The following CACNB4 variants were observed in gnomAD, a reference collection of about 807,000 sequenced individuals.
CACNB4 encodes calcium voltage-gated channel auxiliary subunit beta 4.
CACNB4 carries 32 observed loss-of-function variants against 71.2 expected under a neutral mutation model. The ratio of observed to expected loss-of-function variants is 0.45; its 90% CI spans 0.34 to 0.60. The LOEUF (loss-of-function observed/expected upper bound fraction) is 0.60. Among genes scored for constraint, CACNB4 ranks in the 20% least tolerant of loss-of-function variants. The pLI is 0.01. For missense variants in CACNB4, 464 were observed against 647.9 expected (o/e 0.72, Z 3.08); for synonymous variants, 231 against 236.9 (o/e 0.97, Z 0.23).
chr2:152,018,191 C>A (rs1238846239), intron 2 of CACNB4, among the ~76,000 whole-genome samples: 1 of 151,700 alleles, frequency 6.6e-6, no homozygotes, highest in African/African-American at 2.4e-5. Flanking sequence ...AGATTAGAAG[C>A]GAAAATAAAC....
At chr2:152,024,887 C>T (rs751197286) in intron 2 of CACNB4, among the ~76,000 whole-genome samples, 4 of 152,178 alleles carry the variant, frequency 2.6e-5, no homozygotes, top group Non-Finnish European at 5.9e-5. Flanking sequence ...GACACTCCAT[C>T]TCTACTAAAA....
chr2:152,052,118 C>T (rs1685466602), intron 2 of CACNB4, among the ~76,000 whole-genome samples: 1 of 152,168 alleles, frequency 6.6e-6, no homozygotes, highest in African/African-American at 2.4e-5. Context: ...TTGCATTTAA[C>T]ACATCCAGCC....
chr2:152,049,312 A>G (rs1454178379), intron 2 of CACNB4, among the ~76,000 whole-genome samples: 1 of 151,938 alleles, frequency 6.6e-6, no homozygotes, highest in African/African-American at 2.4e-5. Flanking sequence ...TTACAGGTGC[A>G]TGCCACCAGT....
intron 2 of CACNB4, among the ~76,000 whole-genome samples, chr2:151,893,962 T>C (rs1043465815): frequency 1.3e-5 from 2 of 152,112 alleles, no homozygotes; most frequent in Non-Finnish European, 2.9e-5. Flanking sequence ...AAAAGAAAAC[T>C]ACAGGCCAAT....
At chr2:151,978,071 T>A (rs1167717762) in intron 2 of CACNB4, among the ~76,000 whole-genome samples, 1 of 151,992 alleles carries the variant, frequency 6.6e-6, no homozygotes, top group Non-Finnish European at 1.5e-5. Flanking sequence ...CTGGAGCCCA[T>A]CAGATAGGTG....
intron 2 of CACNB4, among the ~76,000 whole-genome samples, chr2:152,034,238 A>G (rs1481055310): frequency 1.3e-5 from 2 of 152,218 alleles, no homozygotes; most frequent in African/African-American, 4.8e-5. Flanking sequence ...TAAAATCCCA[A>G]CAGAAGTCAC....
intron 3 of CACNB4, among the ~76,000 whole-genome samples, 190 bp from the exon 4 acceptor site, chr2:151,881,112 C>T (rs1484150596): frequency 6.6e-6 from 1 of 152,096 alleles, no homozygotes; most frequent in Non-Finnish European, 1.5e-5. Flanking sequence ...CCTATCAGCC[C>T]AACCATTTTT....
At chr2:152,055,179 T>G (rs1685660575) in intron 2 of CACNB4, among the ~76,000 whole-genome samples, 1 of 152,106 alleles carries the variant, frequency 6.6e-6, no homozygotes, top group African/African-American at 2.4e-5. Flanking sequence ...ACTTGGCTAA[T>G]TTTTGTATTT....
rs145031060 is a variant in CACNB4 at position 152,022,635 on chromosome 2, C to A, written c.147+75695G>T. 3.2e-3 allele frequency among the ~76,000 whole-genome samples: 480 copies of A among 152,304 alleles called. 6 individuals are homozygous for A. The highest frequency in any genetic ancestry group is 0.011 in the African/African-American group (453 of 41,558). Reference sequence around the variant, plus strand: ...GCATGGGCTTTATTTTAATGACCTGCAATCTCTACATTTGTTTCAGTCCTC... The same window carrying A: ...GCATGGGCTTTATTTTAATGACCTGAAATCTCTACATTTGTTTCAGTCCTC... On this transcript the variant is annotated intron_variant, in intron 2 of 13. Transcript: ENST00000539935.
At chr2:152,025,730 C>T (rs1375295143) in intron 2 of CACNB4, among the ~76,000 whole-genome samples, 1 of 152,142 alleles carries the variant, frequency 6.6e-6, no homozygotes, top group African/African-American at 2.4e-5. Flanking sequence ...ATTGGACATA[C>T]CGTACTGTGT....
chr2:152,042,484 C>G (rs1334362621), intron 2 of CACNB4, among the ~76,000 whole-genome samples: 1 of 152,076 alleles, frequency 6.6e-6, no homozygotes. Context: ...GCAAGCTACT[C>G]TTGGAAGTCA....
chr2:151,874,139 A>AATTC (rs60344993), intron 5 of CACNB4: 101 of 152,026 alleles, frequency 6.6e-4, no homozygotes, highest in Non-Finnish European at 1.4e-3. Flanking sequence ...CATGACAATT[A>AATTC]AAGCTCTTTT....
intron 2 of CACNB4, among the ~76,000 whole-genome samples, chr2:152,043,510 A>C (rs1039750472): frequency 6.6e-6 from 1 of 152,112 alleles, no homozygotes; most frequent in East Asian, 1.9e-4. Context: ...TTTTGTAGAG[A>C]TGAGGTCTTG....
At chr2:151,939,299 G>A (rs1458933141) in intron 2 of CACNB4, among the ~76,000 whole-genome samples, 1 of 152,170 alleles carries the variant, frequency 6.6e-6, no homozygotes, top group Non-Finnish European at 1.5e-5. Context: ...TAAAGCAGTG[G>A]GTTTGGTTGA....
chr2:151,867,375 T>C (rs1158457174), intron 9 of CACNB4: 5 of 152,226 alleles, frequency 3.3e-5, no homozygotes, highest in Non-Finnish European at 7.3e-5. Context: ...TTCAGCTATT[T>C]TTTTGCAATG....
At chr2:152,096,387 G>A (rs1688270557) in intron 2 of CACNB4, among the ~76,000 whole-genome samples, 1 of 152,178 alleles carries the variant, frequency 6.6e-6, no homozygotes, top group Non-Finnish European at 1.5e-5. Context: ...GGGAGGCTGA[G>A]GCAGGAGAAT....
intron 2 of CACNB4, among the ~76,000 whole-genome samples, chr2:151,998,315 C>CAAAAAAAAAAAAAAAA (rs70974815): frequency 3.6e-5 from 4 of 110,720 alleles, no homozygotes; most frequent in African/African-American, 1.6e-4. Context: ...ACTCCATCTC[C>CAAAAAAAAAAAAAAAA]AAAAAAAAAA....
chr2:151,956,066 CAA>C (rs1199069697), intron 2 of CACNB4, among the ~76,000 whole-genome samples: 3 of 152,180 alleles, frequency 2.0e-5, no homozygotes, highest in Non-Finnish European at 4.4e-5. Flanking sequence ...TACAAACTGA[CAA>C]GAGCAGGATT....
upstream of CACNB4, chr2:152,099,137 G>C (rs1195276942): frequency 3.5e-6 from 2 of 566,264 alleles, no homozygotes; most frequent in Admixed American, 8.2e-5. Flanking sequence ...CCGCGCCGGC[G>C]CCCAGGCTCC....
Sources: gnomAD v4.1 joint callset for allele counts (sites outside exome capture counted in the v4.1 genomes callset) on GRCh38, gnomAD v4.1.1 for gene constraint, MANE v1.5 for transcripts, NCBI Gene and HGNC (gene_info 2026-07-23, HGNC 2026-07-21) for gene names.